BTG4: variants seen among roughly 807,000 people sequenced by gnomAD.
BTG4 encodes the protein protein BTG4.
BTG4 carries 10 observed loss-of-function variants against 19.3 expected under a neutral mutation model. That is an observed-to-expected ratio of 0.52 (90% CI 0.32 to 0.88). The LOEUF (loss-of-function observed/expected upper bound fraction) is 0.88. Among genes scored for constraint, BTG4 ranks in the 40% least tolerant of loss-of-function variants. The pLI is 0.04. For missense variants in BTG4, 238 were observed against 281.9 expected, an observed-to-expected ratio of 0.84 and a Z score of 1.11; for synonymous variants, 91 against 95.7, an observed-to-expected ratio of 0.95 and a Z score of 0.29.
the BTG4 span, among the ~76,000 whole-genome samples, chr11:111,446,713 T>C: frequency 6.6e-6 from 1 of 151,600 alleles, no homozygotes; most frequent in Non-Finnish European, 1.5e-5. Context: ...CACGCCCTGC[T>C]CACCACTTCC....
chr11:111,453,104 A>C, the BTG4 span, among the ~76,000 whole-genome samples: 1 of 152,142 alleles, frequency 6.6e-6, no homozygotes, highest in Non-Finnish European at 1.5e-5. Flanking sequence ...AGGGAGACTA[A>C]AATGGGATGG....
At chr11:111,412,174 G>A in the BTG4 span, among the ~76,000 whole-genome samples, 1 of 152,320 alleles carries the variant, frequency 6.6e-6, no homozygotes, top group South Asian at 2.1e-4. Context: ...AGGTTCAAAA[G>A]AATTGTTTCA....
chr11:111,388,248 C>T, the BTG4 span, among the ~76,000 whole-genome samples: 1 of 151,698 alleles, frequency 6.6e-6, no homozygotes, highest in Admixed American at 6.6e-5. Flanking sequence ...TGTAGAGAAC[C>T]TGACTCAGTA....
the BTG4 span, chr11:111,454,441 G>A: frequency 2.5e-6 from 1 of 392,782 alleles, no homozygotes; most frequent in South Asian, 2.0e-5. Context: ...CAGGAGAGTT[G>A]GTTATAGGAC....
the BTG4 span, among the ~76,000 whole-genome samples, chr11:111,407,908 G>T: frequency 6.6e-6 from 1 of 152,194 alleles, no homozygotes; most frequent in Non-Finnish European, 1.5e-5. Context: ...TATTCCTCAG[G>T]ATATGTGACT....
intron 5 of BTG4, chr11:111,473,277 C>A (rs1864187161): frequency 6.6e-6 from 1 of 152,620 alleles, no homozygotes; most frequent in African/African-American, 2.4e-5. Flanking sequence ...AGAGTATTAA[C>A]TCTGTCTTCC....
chr11:111,400,089 T>C, the BTG4 span, among the ~76,000 whole-genome samples: 1 of 152,076 alleles, frequency 6.6e-6, no homozygotes, highest in Non-Finnish European at 1.5e-5. Flanking sequence ...GACAGGAATT[T>C]ACAGCAAAAG....
At chr11:111,435,070 G>A in the BTG4 span, 4 of 152,330 alleles carry the variant, frequency 2.6e-5, no homozygotes, top group Admixed American at 6.5e-5. Context: ...AGGGCTGCCC[G>A]GTTCTGGCCA....
intron 1 of BTG4, among the ~76,000 whole-genome samples, chr11:111,508,817 T>C (rs890855429): frequency 6.7e-6 from 1 of 149,886 alleles, no homozygotes; most frequent in South Asian, 2.1e-4. Context: ...ATAAGTTATA[T>C]TAAGATATAT....
the BTG4 span, among the ~76,000 whole-genome samples, chr11:111,423,709 A>T: frequency 2.6e-5 from 4 of 152,208 alleles, no homozygotes; most frequent in Non-Finnish European, 5.9e-5. Context: ...ACACAAAAAC[A>T]ATGCCACCAC....
downstream of BTG4, among the ~76,000 whole-genome samples, chr11:111,465,663 A>T (rs904593462): frequency 2.0e-5 from 3 of 152,126 alleles, no homozygotes; most frequent in Non-Finnish European, 4.4e-5. Flanking sequence ...TGCTTCCTCA[A>T]ATGAAAAGTT....
At chr11:111,471,999 A>G (rs145411930) in intron 5 of BTG4, among the ~76,000 whole-genome samples, 120 of 152,284 alleles carry the variant, frequency 7.9e-4, no homozygotes, top group Non-Finnish European at 1.3e-3. Context: ...CTGCTCATCA[A>G]CTACAATACC....
At position 111,480,585 on chromosome 11, in the gene BTG4, A is replaced by G. The variant is rs1032807030; in HGVS notation, c.663-12904T>C. Among the ~76,000 whole-genome samples the G allele has an allele frequency of 3.9e-5, 6 of 152,136 alleles. 1 individual carries two copies. Reference sequence around the variant, plus strand: ...TAAACAAACCTCAACAAATTTTTTTAAATTGAAAACATGCAGAGTGTATTG... The same window carrying G: ...TAAACAAACCTCAACAAATTTTTTTGAATTGAAAACATGCAGAGTGTATTG... On this transcript the variant is annotated intron_variant, in intron 5 of 5. Transcript: ENST00000356018.
chr11:111,472,321 T>G (rs1864117912), intron 5 of BTG4, among the ~76,000 whole-genome samples: 1 of 152,250 alleles, frequency 6.6e-6, no homozygotes, highest in Non-Finnish European at 1.5e-5. Flanking sequence ...TCTCGAGGGT[T>G]CCCTGTGCCT....
chr11:111,509,827 G>A (rs1435455181), intron 1 of BTG4, among the ~76,000 whole-genome samples: 1 of 151,426 alleles, frequency 6.6e-6, no homozygotes, highest in Non-Finnish European at 1.5e-5. Context: ...CAAAAGCTGT[G>A]GGAGATGGTG....
the BTG4 span, among the ~76,000 whole-genome samples, chr11:111,426,485 G>A: frequency 6.6e-6 from 1 of 152,176 alleles, no homozygotes; most frequent in Admixed American, 6.5e-5. Flanking sequence ...CAGGGATAGG[G>A]AAAGGGGTTT....
In BTG4 at chr11:111,498,602, ACCTGAAGGCTTGCC is replaced by A. The variant is rs1270082834; in HGVS notation, c.161_173+1del. ...TTTGCCATCCCACATACTAGCTCTC[ACCTGAAGGCTTGCC>A]CTTTAGAAGGGCAATCAGAGTGCCA... On this transcript the variant is annotated splice_donor_variant and coding_sequence_variant, in exon 2 of 5. Coordinates refer to ENST00000692032, the MANE Select transcript of BTG4 (RefSeq NM_001367975.1). LOFTEE classifies it high-confidence loss of function. The A allele has an allele frequency of 2.5e-6, 4 of 1,611,108 alleles. No individual in the cohort carries two copies. The highest frequency in any genetic ancestry group is 3.4e-6 in the Non-Finnish European group (4 of 1,179,270).
the BTG4 span, among the ~76,000 whole-genome samples, chr11:111,461,092 C>T: frequency 1.3e-5 from 2 of 152,144 alleles, no homozygotes; most frequent in African/African-American, 4.8e-5. Context: ...CAGAGGAAGC[C>T]CCGTCAGGAG....
the BTG4 span, among the ~76,000 whole-genome samples, chr11:111,400,390 C>T: frequency 2.6e-5 from 4 of 152,116 alleles, no homozygotes; most frequent in Non-Finnish European, 4.4e-5. Context: ...CTTTAGAACC[C>T]GCCAATGAAA....
Sources: gnomAD v4.1 joint callset for allele counts (sites outside exome capture counted in the v4.1 genomes callset) on GRCh38, gnomAD v4.1.1 for gene constraint, MANE v1.5 for transcripts, NCBI Gene and HGNC (gene_info 2026-07-23, HGNC 2026-07-21) for gene names.